GRM5: variants seen among roughly 807,000 people sequenced by gnomAD.
The protein encoded by GRM5 is glutamate metabotropic receptor 5.
In GRM5, 19 loss-of-function variants were observed where a neutral mutation model predicts 83.1. That is an observed-to-expected ratio of 0.23 (90% CI 0.16 to 0.34). The LOEUF (loss-of-function observed/expected upper bound fraction) is 0.34, where lower values mean the gene tolerates loss of function less well. Ranked by LOEUF, GRM5 falls within the 10% of genes least tolerant of loss-of-function variation. GRM5 has a pLI of 1.00. For synonymous variants in GRM5, 675 were observed against 633.6 expected (o/e 1.07, Z -0.98); for missense variants, 1,160 against 1,588.3 (o/e 0.73, Z 4.58).
intron 1 of GRM5, among the ~76,000 whole-genome samples, chr11:89,064,888 C>CTCTCTCTCTCTCTGTG (rs1218318990): frequency 1.6e-5 from 1 of 62,212 alleles, no homozygotes; most frequent in Non-Finnish European, 3.1e-5. Context: ...CTCTCTCTCT[C>CTCTCTCTCTCTCTGTG]TGTGTGTGTG....
At chr11:88,792,015 T>C (rs568394021) in intron 3 of GRM5, among the ~76,000 whole-genome samples, 2 of 152,224 alleles carry the variant, frequency 1.3e-5, no homozygotes, top group East Asian at 3.9e-4. Context: ...TAGTAGAACA[T>C]GTTTTGAAAC....
chr11:88,651,941 C>G (rs1339332669), intron 4 of GRM5, among the ~76,000 whole-genome samples: 1 of 151,980 alleles, frequency 6.6e-6, no homozygotes, highest in East Asian at 1.9e-4. Flanking sequence ...AACATGACCT[C>G]AGAGGGGGAA....
intron 3 of GRM5, among the ~76,000 whole-genome samples, chr11:88,813,274 A>G (rs1943616170): frequency 6.6e-6 from 1 of 152,168 alleles, no homozygotes; most frequent in South Asian, 2.1e-4. Context: ...ACTTGCAGGT[A>G]GGGGGTACTA....
intron 3 of GRM5, among the ~76,000 whole-genome samples, chr11:88,704,353 T>G (rs982877254): frequency 1.3e-5 from 2 of 152,148 alleles, no homozygotes; most frequent in South Asian, 2.1e-4. Flanking sequence ...AAACAGGGCC[T>G]GATTTTAAAA....
intron 3 of GRM5, among the ~76,000 whole-genome samples, chr11:88,695,077 A>C (rs1380695008): frequency 6.6e-6 from 1 of 152,194 alleles, no homozygotes; most frequent in African/African-American, 2.4e-5. Flanking sequence ...CTATGGAATA[A>C]TTGAGAGGGT....
intron 2 of GRM5, among the ~76,000 whole-genome samples, chr11:88,939,505 G>A (rs1667069194): frequency 6.6e-6 from 1 of 151,690 alleles, no homozygotes; most frequent in African/African-American, 2.4e-5. Context: ...GGCAACAAAG[G>A]AAGAAATCAT....
chr11:88,642,508 C>T (rs79614380), intron 4 of GRM5, among the ~76,000 whole-genome samples: 5,074 of 152,266 alleles, frequency 0.033, 265 homozygotes, highest in African/African-American at 0.11. Context: ...AGATCTCTTT[C>T]TCTGCCACAC....
At chr11:89,058,498 G>A (rs1321074173) in intron 1 of GRM5, among the ~76,000 whole-genome samples, 8 of 152,098 alleles carry the variant, frequency 5.3e-5, no homozygotes, top group Non-Finnish European at 1.2e-4. Flanking sequence ...TGGCAAGATC[G>A]ACATAGTCAT....
chr11:88,570,567 ATATAT>A (rs1180757089), intron 7 of GRM5, among the ~76,000 whole-genome samples: 1 of 71,556 alleles, frequency 1.4e-5, no homozygotes, highest in East Asian at 3.0e-4. Context: ...ATATATATAT[ATATAT>A]TTTTTTTTTT....
At chr11:88,983,052 G>C (rs1465526198) in intron 2 of GRM5, among the ~76,000 whole-genome samples, 1 of 147,200 alleles carries the variant, frequency 6.8e-6, no homozygotes, top group Non-Finnish European at 1.5e-5. Context: ...GGCAACGAGA[G>C]CGAAACTCCG....
chr11:88,746,816 G>T (rs1002279013), intron 3 of GRM5, among the ~76,000 whole-genome samples: 4 of 152,146 alleles, frequency 2.6e-5, no homozygotes, highest in East Asian at 3.9e-4. Flanking sequence ...GAATAAAGAA[G>T]TATGGCTGCT....
intron 2 of GRM5, among the ~76,000 whole-genome samples, chr11:88,971,350 G>A (rs1939158938): frequency 6.6e-6 from 1 of 152,078 alleles, no homozygotes; most frequent in Non-Finnish European, 1.5e-5. Flanking sequence ...ATTGTGTGCT[G>A]TGGGAGTTTG....
intron 3 of GRM5, among the ~76,000 whole-genome samples, chr11:88,844,501 T>C (rs748844976): frequency 6.1e-5 from 9 of 148,454 alleles, no homozygotes; most frequent in Non-Finnish European, 1.0e-4. Context: ...GTTGTTTACA[T>C]GCCTGCTAAC....
At chr11:88,993,456 G>A (rs377423571) in intron 2 of GRM5, among the ~76,000 whole-genome samples, 51 of 152,094 alleles carry the variant, frequency 3.4e-4, no homozygotes, top group African/African-American at 9.9e-4. Flanking sequence ...TAGTAAATAC[G>A]TCTGTTTTGA....
At chr11:88,534,003 G>T (rs962484263) in intron 8 of GRM5, among the ~76,000 whole-genome samples, 5 of 152,178 alleles carry the variant, frequency 3.3e-5, no homozygotes, top group African/African-American at 1.2e-4. Context: ...TCCATGTGGT[G>T]TTGAGCCTGT....
intron 3 of GRM5, among the ~76,000 whole-genome samples, chr11:88,700,715 C>T (rs1466975229): frequency 1.3e-5 from 2 of 152,074 alleles, no homozygotes; most frequent in Non-Finnish European, 2.9e-5. Context: ...ACTCACAGAA[C>T]AGCCAAGGAG....
chr11:88,664,925 A>C (rs1460226333), intron 3 of GRM5, among the ~76,000 whole-genome samples: 5 of 152,150 alleles, frequency 3.3e-5, no homozygotes, highest in Non-Finnish European at 7.4e-5. Context: ...ATACTAAGGA[A>C]AGACTATATG....
chr11:88,541,086 G>T (rs2135131310), intron 8 of GRM5, among the ~76,000 whole-genome samples: 1 of 152,138 alleles, frequency 6.6e-6, no homozygotes, highest in East Asian at 1.9e-4. Flanking sequence ...TTTAATAAAG[G>T]TAATTATATT....
intron 3 of GRM5, among the ~76,000 whole-genome samples, chr11:88,766,588 A>G (rs982905670): frequency 3.3e-5 from 5 of 152,188 alleles, no homozygotes; most frequent in African/African-American, 1.2e-4. Context: ...GTAAAATCCA[A>G]AACTATAAAA....
Sources: gnomAD v4.1 joint callset for allele counts (sites outside exome capture counted in the v4.1 genomes callset) on GRCh38, gnomAD v4.1.1 for gene constraint, MANE v1.5 for transcripts, NCBI Gene and HGNC (gene_info 2026-07-23, HGNC 2026-07-21) for gene names.